LGR4: variants seen among roughly 807,000 people sequenced by gnomAD.
LGR4 encodes leucine rich repeat containing G protein-coupled receptor 4.
A neutral mutation model predicts 84.8 loss-of-function variants in LGR4; 44 were observed. The ratio of observed to expected loss-of-function variants is 0.52; its 90% confidence interval spans 0.41 to 0.67. LGR4 has a LOEUF of 0.67. Ranked by LOEUF, LGR4 falls within the 30% of genes least tolerant of loss-of-function variation. LGR4 has a pLI of 0.00. For synonymous variants in LGR4, 429 were observed against 434.3 expected, an observed-to-expected ratio of 0.99 and a Z score of 0.15; for missense variants, 1,032 against 1,131.4, an observed-to-expected ratio of 0.91 and a Z score of 1.26.
intron 2 of LGR4, among the ~76,000 whole-genome samples, chr11:27,404,648 T>C (rs905580109): frequency 4.6e-5 from 7 of 152,146 alleles, no homozygotes; most frequent in Non-Finnish European, 7.3e-5. Context: ...GGTTGCACCA[T>C]ACCATCTCAA....
intron 7 of LGR4, among the ~76,000 whole-genome samples, chr11:27,381,193 T>C (rs917008343): frequency 5.3e-5 from 8 of 152,212 alleles, no homozygotes; most frequent in African/African-American, 1.9e-4. Context: ...AGATCCCTCA[T>C]ATGCATTTAT....
At chr11:27,463,863 A>G (rs1864729150) in intron 1 of LGR4, among the ~76,000 whole-genome samples, 1 of 152,238 alleles carries the variant, frequency 6.6e-6, no homozygotes, top group Admixed American at 6.5e-5. Flanking sequence ...TTCCCTTCTT[A>G]TGAACTCTGA....
chr11:27,390,511 T>G (rs1477832662), intron 4 of LGR4, among the ~76,000 whole-genome samples: 7 of 152,132 alleles, frequency 4.6e-5, no homozygotes, highest in Admixed American at 1.3e-4. Context: ...GTGAGTCTGT[T>G]GCAAAGTGTG....
rs148473042 is a variant in LGR4 at position 27,392,509 on chromosome 11, C to T, written c.267G>A (p.Ala89=). The part of the protein sequence containing the change: ...NFPFLEELQL[A]GNDLSFIHPK... ...GGTGGATAAAAGAAAGGTCGTTGCCCGCCAATTGTCTAGAGAAAAAAAAAA... is the reference window on the plus strand; with the variant it reads ...GGTGGATAAAAGAAAGGTCGTTGCCTGCCAATTGTCTAGAGAAAAAAAAAA... Residue 89 remains alanine (A), a synonymous_variant, in exon 3 of 18, where the codon GCG becomes GCA. Coordinates refer to ENST00000379214, the MANE Select transcript of LGR4 (RefSeq NM_018490.5). The T allele has an allele frequency of 1.4e-3, 2,251 of 1,576,388 alleles. 2 individuals are homozygous for T. Among genetic ancestry groups the T allele is most frequent in the Non-Finnish European group, 1.8e-3 (2,087 of 1,166,116 alleles).
intron 1 of LGR4, among the ~76,000 whole-genome samples, chr11:27,427,994 G>T (rs911436491): frequency 6.6e-6 from 1 of 152,138 alleles, no homozygotes; most frequent in Non-Finnish European, 1.5e-5. Flanking sequence ...CATACATTAG[G>T]TGAGTAGCTT....
At position 27,370,094 on chromosome 11, in the gene LGR4, G is replaced by T. The variant is rs192906472; in HGVS notation, c.1580-951C>A. ...CTGAAAAATTAGAAAAGAAAAACAA[G>T]ATTTTGACTATGAAACACAAGAAAA... On this transcript the variant is annotated intron_variant, in intron 17 of 17. Transcript: ENST00000379214. Among the ~76,000 whole-genome samples, 21 of 152,244 alleles carry T rather than the reference G, an allele frequency of 1.4e-4. No individual in the cohort carries two copies. In the East Asian group the frequency reaches 4.0e-3, roughly 29 times the overall value.
chr11:27,461,562 A>G lies in LGR4; in HGVS notation c.185+10556T>C, dbSNP rs370592073. 7.2e-5 allele frequency among the ~76,000 whole-genome samples: 11 copies of G among 152,208 alleles called. No homozygotes were observed. The East Asian group carries it at 1.7e-3, about 24-fold the overall frequency. The stretch of plus-strand genomic sequence containing the variant: ...ACAGCCCACAGGCCCCATGCAGCCT[A>G]GGATGGCTTTGAATGCAGCCCAACA... On this transcript the variant is annotated intron_variant, in intron 1 of 17. Coordinates refer to ENST00000379214, the MANE Select transcript of LGR4 (RefSeq NM_018490.5).
At chr11:27,447,723 G>A in intron 1 of LGR4, among the ~76,000 whole-genome samples, 1 of 152,128 alleles carries the variant, frequency 6.6e-6, no homozygotes, top group East Asian at 1.9e-4. Flanking sequence ...CTCCGAGGCT[G>A]AACCCCAATT....
rs1021099643 is a variant in LGR4, at chr11:27,371,713, C to G, written c.1496-15G>C. ...ATCAGCAGTACCTGAACATATAACA[C>G]AAAGCATGTTTAATTAAAACCTTAT... On this transcript the variant is annotated splice_polypyrimidine_tract_variant and intron_variant, in intron 16 of 17. Transcript: ENST00000379214. 3.2e-6 allele frequency: 5 copies of G among 1,583,100 alleles called. No individual in the cohort carries two copies. The highest frequency in any genetic ancestry group is 4.3e-6 in the Non-Finnish European group (5 of 1,154,690).
intron 2 of LGR4, among the ~76,000 whole-genome samples, chr11:27,406,965 A>T (rs1310471591): frequency 1.3e-5 from 2 of 152,160 alleles, no homozygotes; most frequent in Admixed American, 6.5e-5. Context: ...GCTACTTTCT[A>T]CAGCTCTGAA....
intron 1 of LGR4, among the ~76,000 whole-genome samples, chr11:27,449,177 C>T (rs1165073952): frequency 6.6e-6 from 1 of 152,086 alleles, no homozygotes; most frequent in Non-Finnish European, 1.5e-5. Context: ...ATAATAAATA[C>T]CTACTTAAGT....
At chr11:27,455,827 A>C (rs2133449244) in intron 1 of LGR4, among the ~76,000 whole-genome samples, 1 of 152,148 alleles carries the variant, frequency 6.6e-6, no homozygotes, top group African/African-American at 2.4e-5. Context: ...TACCTGCAAA[A>C]CCTCTCATTA....
At chr11:27,452,667 C>T (rs1412055453) in intron 1 of LGR4, among the ~76,000 whole-genome samples, 7 of 146,630 alleles carry the variant, frequency 4.8e-5, no homozygotes, top group Non-Finnish European at 7.5e-5. Context: ...TCTGTCGCCC[C>T]GGCTGGAGTG....
intron 1 of LGR4, among the ~76,000 whole-genome samples, chr11:27,416,264 G>T (rs867317318): frequency 1.3e-5 from 2 of 152,218 alleles, no homozygotes; most frequent in Middle Eastern, 3.4e-3. Flanking sequence ...GGGCTTTGGC[G>T]CCAGACAGAC....
At chr11:27,384,786 G>C (rs186453520) in intron 5 of LGR4, among the ~76,000 whole-genome samples, 1 of 152,320 alleles carries the variant, frequency 6.6e-6, no homozygotes, top group East Asian at 1.9e-4. Flanking sequence ...TGGAGGAAGT[G>C]TGTAGTTTAC....
chr11:27,370,473 C>T (rs1303382176), intron 17 of LGR4, among the ~76,000 whole-genome samples: 7 of 152,202 alleles, frequency 4.6e-5, no homozygotes, highest in African/African-American at 1.7e-4. Context: ...CCTCCACCGT[C>T]CCTGTCTTTG....
intron 1 of LGR4, among the ~76,000 whole-genome samples, chr11:27,442,022 G>A (rs144642264): frequency 1.3e-5 from 2 of 152,330 alleles, no homozygotes; most frequent in African/African-American, 4.8e-5. Context: ...GGGCAACAAT[G>A]AGGAGCGGTG....
intron 1 of LGR4, among the ~76,000 whole-genome samples, chr11:27,420,813 G>A (rs1863912383): frequency 6.6e-6 from 1 of 152,194 alleles, no homozygotes; most frequent in Middle Eastern, 3.4e-3. Flanking sequence ...AATATCATGT[G>A]TGAAAGCATG....
rs182430923 is a variant in LGR4, at chr11:27,467,034, C to T, written c.185+5084G>A. Reference sequence around the variant, plus strand: ...TTCCTGACTTCAAGGGATCTACACACTTTGGCCTCCCAAAGTGTTGGGATT... The same window carrying T: ...TTCCTGACTTCAAGGGATCTACACATTTTGGCCTCCCAAAGTGTTGGGATT... On this transcript the variant is annotated intron_variant, in intron 1 of 17. Coordinates refer to ENST00000379214, the MANE Select transcript of LGR4 (RefSeq NM_018490.5). 2.4e-3 allele frequency among the ~76,000 whole-genome samples: 368 copies of T among 151,672 alleles called. 1 individual carries two copies. The highest frequency in any genetic ancestry group is 8.4e-3 in the African/African-American group (348 of 41,356).
Sources: gnomAD v4.1 joint callset for allele counts (sites outside exome capture counted in the v4.1 genomes callset) on GRCh38, gnomAD v4.1.1 for gene constraint, MANE v1.5 for transcripts, NCBI Gene and HGNC (gene_info 2026-07-23, HGNC 2026-07-21) for gene names.